The following DPP6 variants were observed in gnomAD, a reference collection of about 807,000 sequenced individuals.
DPP6 encodes the protein A-type potassium channel modulatory protein DPP6.
Under a neutral mutation model 122.6 loss-of-function variants are expected in DPP6, and 69 were observed. The observed-to-expected ratio is 0.56, with a 90% CI of 0.46 to 0.69. DPP6 has a LOEUF of 0.69. Among genes scored for constraint, DPP6 ranks in the 30% least tolerant of loss-of-function variants. DPP6 has a pLI of 0.00. For synonymous variants in DPP6, 418 were observed against 433.1 expected, an observed-to-expected ratio of 0.97 and a Z score of 0.43; for missense variants, 928 against 1,116.9, an observed-to-expected ratio of 0.83 and a Z score of 2.41.
At chr7:154,034,231 T>C (rs958950102) in intron 1 of DPP6, among the ~76,000 whole-genome samples, 1 of 152,194 alleles carries the variant, frequency 6.6e-6, no homozygotes, top group Non-Finnish European at 1.5e-5. Flanking sequence ...AAATCCTTCA[T>C]AGCAAGAAAG....
At chr7:154,131,717 T>A (rs1238965088) in intron 1 of DPP6, among the ~76,000 whole-genome samples, 4 of 152,264 alleles carry the variant, frequency 2.6e-5, no homozygotes, top group Non-Finnish European at 5.9e-5. Context: ...GGAAGCTATG[T>A]TTCTTATGTA....
chr7:154,326,779 C>T (rs1808482544), intron 1 of DPP6, among the ~76,000 whole-genome samples: 1 of 152,186 alleles, frequency 6.6e-6, no homozygotes, highest in South Asian at 2.1e-4. Flanking sequence ...TAATTCATAT[C>T]CTTTCTTAAG....
the DPP6 span, among the ~76,000 whole-genome samples, chr7:153,810,682 CT>C: frequency 3.5e-3 from 501 of 141,940 alleles, 3 homozygotes; most frequent in East Asian, 6.1e-3. Flanking sequence ...CTCTCTCTCT[CT>C]CTCTCTCTCT....
intron 1 of DPP6, among the ~76,000 whole-genome samples, chr7:154,000,605 A>G (rs954859810): frequency 5.3e-5 from 8 of 152,346 alleles, no homozygotes; most frequent in Admixed American, 4.6e-4. Flanking sequence ...TCTACATCAG[A>G]AGAGCCGAGT....
chr7:154,005,831 GCTT>G (rs1176661317), intron 1 of DPP6, among the ~76,000 whole-genome samples: 1 of 152,026 alleles, frequency 6.6e-6, no homozygotes, highest in African/African-American at 2.4e-5. Flanking sequence ...GCAAGCATGA[GCTT>G]CTAAGCTTTG....
At chr7:154,869,258 C>T (rs1357648263) in intron 18 of DPP6, among the ~76,000 whole-genome samples, 4 of 152,176 alleles carry the variant, frequency 2.6e-5, no homozygotes, top group African/African-American at 9.7e-5. Context: ...TGGCAGCCCC[C>T]TTGTGCTCAG....
chr7:154,827,324 C>T (rs1364679131), intron 16 of DPP6, among the ~76,000 whole-genome samples: 1 of 151,988 alleles, frequency 6.6e-6, no homozygotes, highest in Non-Finnish European at 1.5e-5. Flanking sequence ...CTCCCCTTTT[C>T]CTCCCTTCCC....
chr7:154,559,964 T>G (rs1376236858), intron 4 of DPP6, among the ~76,000 whole-genome samples: 4 of 125,682 alleles, frequency 3.2e-5, no homozygotes, highest in Non-Finnish European at 5.0e-5. Flanking sequence ...ATAAGATATA[T>G]ATAAAGATAT....
At chr7:154,339,184 C>T (rs1180923211) in intron 1 of DPP6, among the ~76,000 whole-genome samples, 2 of 152,182 alleles carry the variant, frequency 1.3e-5, no homozygotes, top group African/African-American at 4.8e-5. Flanking sequence ...CATTCTGCCA[C>T]TTTTTCTTCT....
chr7:154,696,887 A>G (rs1274681217), intron 7 of DPP6, among the ~76,000 whole-genome samples: 1 of 152,204 alleles, frequency 6.6e-6, no homozygotes, highest in African/African-American at 2.4e-5. Flanking sequence ...AGAGTGGCTC[A>G]GCTGGTCAGA....
chr7:154,613,600 C>T (rs1256179280), intron 5 of DPP6, among the ~76,000 whole-genome samples: 1 of 108,292 alleles, frequency 9.2e-6, no homozygotes, highest in Middle Eastern at 9.4e-3. Flanking sequence ...GCCTGGGCAA[C>T]AAGAGCGAGA....
chr7:154,725,781 G>A (rs1465058887), intron 7 of DPP6, among the ~76,000 whole-genome samples: 2 of 152,144 alleles, frequency 1.3e-5, no homozygotes, highest in African/African-American at 4.8e-5. Context: ...CAAGTCCAAA[G>A]TCTTATCTGA....
intron 3 of DPP6, among the ~76,000 whole-genome samples, chr7:154,537,575 A>C (rs1828360586): frequency 6.6e-6 from 1 of 152,176 alleles, no homozygotes; most frequent in Non-Finnish European, 1.5e-5. Context: ...TTGTAATCCC[A>C]GCTACTGGGA....
chr7:154,109,718 A>G (rs1806433285), intron 1 of DPP6, among the ~76,000 whole-genome samples: 1 of 151,084 alleles, frequency 6.6e-6, no homozygotes, highest in Non-Finnish European at 1.5e-5. Flanking sequence ...AGAAGGGGAA[A>G]GACAGTAAGA....
At chr7:153,995,136 CCA>C (rs1797362647) in intron 1 of DPP6, among the ~76,000 whole-genome samples, 1 of 152,140 alleles carries the variant, frequency 6.6e-6, no homozygotes, top group Non-Finnish European at 1.5e-5. Flanking sequence ...TAGAAGTAAA[CCA>C]CAGATTGAGC....
At chr7:153,946,519 G>A (rs138487651) in intron 1 of DPP6, among the ~76,000 whole-genome samples, 51 of 152,120 alleles carry the variant, frequency 3.4e-4, no homozygotes, top group South Asian at 1.9e-3. Context: ...GGTTTTAGAC[G>A]GCTTCTTTAC....
At position 154,052,562 on chromosome 7, in the gene DPP6, C is replaced by A. The variant is rs35549759; in HGVS notation, c.-259C>A. The A allele has an allele frequency of 6.7e-5, 74 of 1,111,232 alleles. No homozygotes were observed. Among genetic ancestry groups the A allele is most frequent in the East Asian group, 5.4e-4 (11 of 20,260 alleles). 68.8% of individuals were successfully genotyped at this position (1,111,232 alleles called of 1,614,324 possible). ...TTATAAAAACAGGAAAGAGAGAAAG[C>A]ACAGCCAGAGCCCCGGCTTCGCGAG... On this transcript the variant is annotated 5_prime_UTR_variant, in exon 1 of 26. Coordinates refer to ENST00000377770, the MANE Select transcript of DPP6 (RefSeq NM_130797.4). The surrounding 1 kb of genome is among the most constrained non-coding windows in gnomAD (Gnocchi z 4.8).
intron 1 of DPP6, among the ~76,000 whole-genome samples, chr7:154,029,746 T>G: frequency 6.7e-6 from 1 of 149,506 alleles, no homozygotes; most frequent in East Asian, 2.0e-4. Flanking sequence ...CTCGGGAGGC[T>G]GAGGCAGGAG....
At chr7:154,262,866 G>T (rs1449949139) in intron 1 of DPP6, among the ~76,000 whole-genome samples, 1 of 152,048 alleles carries the variant, frequency 6.6e-6, no homozygotes. Flanking sequence ...TATTTTTCAC[G>T]CACTGTTACT....
Sources: gnomAD v4.1 joint callset for allele counts (sites outside exome capture counted in the v4.1 genomes callset) on GRCh38, gnomAD v4.1.1 for gene constraint, Gnocchi (gnomAD v3.1) non-coding constraint, MANE v1.5 for transcripts, NCBI Gene and HGNC (gene_info 2026-07-23, HGNC 2026-07-21) for gene names.